The following KPNB1 variants were observed in gnomAD, a reference collection of about 807,000 sequenced individuals.
KPNB1 encodes karyopherin subunit beta 1, also known as importin subunit beta-1.
In KPNB1, 7 loss-of-function variants were observed where a neutral mutation model predicts 113.0. That is an observed-to-expected ratio of 0.06 (90% CI 0.04 to 0.12). The LOEUF is 0.12. KPNB1 is among the 10% of genes least tolerant of loss of function. The probability of loss-of-function intolerance (pLI) is 1.00; values close to 1 mark genes in which losing one functional copy is unlikely to be tolerated. For missense variants in KPNB1, 400 were observed against 1,054.8 expected, an observed-to-expected ratio of 0.38 and a Z score of 8.60; for synonymous variants, 363 against 378.6, an observed-to-expected ratio of 0.96 and a Z score of 0.48.
Position 47,663,111 on chromosome 17 carries a change from A to G in KPNB1, c.719A>G (p.Asn240Ser), listed in dbSNP as rs1290756444. Residue 240 changes from asparagine to serine, a missense_variant, in exon 7 of 22, where the codon AAT becomes AGT. Asn to Ser is a conservative substitution (Grantham distance 46). Coordinates refer to ENST00000290158, the MANE Select transcript of KPNB1 (RefSeq NM_002265.6). ...AAGGTACGAGTGGCTGCTTTACAGA[A>G]TCTGGTGAAGATAATGTCCTTATAT... ...DTRVRVAALQ[N>S]LVKIMSLYYQ... 1 of 1,597,426 alleles carries G rather than the reference A, an allele frequency of 6.3e-7. No individual in the cohort carries two copies. The highest frequency in any genetic ancestry group is 1.3e-5 in the African/African-American group (1 of 74,548).
chr17:47,679,634 A>T (rs2030711686), intron 19 of KPNB1, among the ~76,000 whole-genome samples: 1 of 152,112 alleles, frequency 6.6e-6, no homozygotes, highest in Admixed American at 6.5e-5. Context: ...ATAGTTGGAA[A>T]TTTTGAAAAA....
chr17:47,672,879 T>A (rs2030491040), intron 12 of KPNB1, 139 bp from the exon 13 acceptor site: 1 of 658,738 alleles, frequency 1.5e-6, no homozygotes, highest in African/African-American at 1.9e-5. Context: ...GATTTCATTC[T>A]TGGATATTGT....
At chr17:47,669,262 C>A (rs913384250) in intron 10 of KPNB1, among the ~76,000 whole-genome samples, 1 of 151,992 alleles carries the variant, frequency 6.6e-6, no homozygotes, top group African/African-American at 2.4e-5. Context: ...GCCACCATGC[C>A]CAGCTAATTT....
At chr17:47,670,573 T>A in intron 11 of KPNB1, 129 bp from the exon 12 acceptor site, 1 of 834,736 alleles carries the variant, frequency 1.2e-6, no homozygotes, top group Non-Finnish European at 1.9e-6. Flanking sequence ...TAAAATGCTG[T>A]CTTGAGATGA....
intron 3 of KPNB1, among the ~76,000 whole-genome samples, chr17:47,653,141 A>C (rs1915624910): frequency 6.6e-6 from 1 of 152,144 alleles, no homozygotes; most frequent in South Asian, 2.1e-4. Context: ...AATTGGTAAA[A>C]TCTGTTTGGC....
chr17:47,672,076 A>G (rs755535441), intron 12 of KPNB1, among the ~76,000 whole-genome samples: 12 of 151,316 alleles, frequency 7.9e-5, no homozygotes, highest in Non-Finnish European at 1.2e-4. Flanking sequence ...CAATTGTGCA[A>G]TCTTGGCTCA....
Position 47,683,909 on chromosome 17 carries a change from T to C in KPNB1, c.*1505T>C, listed in dbSNP as rs1484343564. 2 of 152,388 alleles carry C rather than the reference T, an allele frequency of 1.3e-5. No individual in the cohort carries two copies. Among genetic ancestry groups the C allele is most frequent in the East Asian group, 1.9e-4 (1 of 5,184 alleles). 9.4% of individuals were successfully genotyped at this position (152,388 alleles called of 1,614,324 possible). On this transcript the variant is annotated 3_prime_UTR_variant, in exon 22 of 22. Coordinates refer to ENST00000290158, the MANE Select transcript of KPNB1 (RefSeq NM_002265.6). ...TGTGATGTGGTATGATTACCATAAA[T>C]CAGACTTAATTATTTTCCCTTTTAC...
At chr17:47,668,953 G>A (rs1195178668) in intron 10 of KPNB1, among the ~76,000 whole-genome samples, 15 of 149,372 alleles carry the variant, frequency 1.0e-4, no homozygotes, top group Admixed American at 4.7e-4. Flanking sequence ...GGCAACGAGC[G>A]AAACTCTATC....
chr17:47,680,082 G>A lies in KPNB1; in HGVS notation c.2416G>A (p.Gly806Arg), dbSNP rs1271069436. 3 of 1,613,976 alleles carry A rather than the reference G, an allele frequency of 1.9e-6. No homozygotes were observed. The highest frequency in any genetic ancestry group is 1.7e-5 in the Admixed American group (1 of 60,018). ...FILSFIDHIA[G>R]DEDHTDGVVA... Reference sequence around the variant, plus strand: ...TCTGTCTTTCATTGACCACATTGCTGGAGATGAGGATCACACAGATGGAGT... The same window carrying A: ...TCTGTCTTTCATTGACCACATTGCTAGAGATGAGGATCACACAGATGGAGT... Residue 806 changes from glycine to arginine, a missense_variant, in exon 20 of 22, where the codon GGA (glycine) becomes AGA (arginine). Coordinates refer to ENST00000290158, the MANE Select transcript of KPNB1 (RefSeq NM_002265.6).
At position 47,654,616 on chromosome 17, in the gene KPNB1, T is replaced by C. The variant is rs79491580; in HGVS notation, c.282+1740T>C. Among the ~76,000 whole-genome samples, 1,359 of 152,210 alleles carry C rather than the reference T, an allele frequency of 8.9e-3. 23 individuals carry two copies. The highest frequency in any genetic ancestry group is 0.046 in the South Asian group (223 of 4,814). The stretch of plus-strand genomic sequence containing the variant: ...GGAGCTAGTTTCTCTTTTCTGATAA[T>C]TGAATATTACTATTAAGGTTACCTC... On this transcript the variant is annotated intron_variant, in intron 3 of 21. Transcript: ENST00000290158.
At chr17:47,658,685 A>G in intron 5 of KPNB1, 25 bp downstream of exon 5, 1 of 1,592,244 alleles carries the variant, frequency 6.3e-7, no homozygotes, top group African/African-American at 1.3e-5. Context: ...AATAAGGTAT[A>G]GATTCAGACA....
intron 9 of KPNB1, among the ~76,000 whole-genome samples, chr17:47,665,534 G>C (rs111420808): frequency 2.0e-5 from 3 of 152,206 alleles, no homozygotes; most frequent in African/African-American, 7.2e-5. Flanking sequence ...GGATACTTTC[G>C]TGAGTTCACA....
Position 47,650,215 on chromosome 17 carries a change from G to A in KPNB1, c.-30G>A. 1 of 1,571,476 alleles carries A rather than the reference G, an allele frequency of 6.4e-7. No homozygotes were observed. Among genetic ancestry groups the A allele is most frequent in the East Asian group, 2.5e-5 (1 of 40,622 alleles). ...CCCGAAAGGCCGGGCCGTCGTCTTA[G>A]GAGGAGTCGCCGCCGCCGCCACCTC... On this transcript the variant is annotated 5_prime_UTR_variant, in exon 1 of 22. Transcript: ENST00000290158.
intron 11 of KPNB1, chr17:47,670,195 C>T: frequency 6.6e-6 from 2 of 304,440 alleles, no homozygotes; most frequent in Non-Finnish European, 1.3e-5. Context: ...AGTATCATTG[C>T]TGAGTAGAGG....
chr17:47,655,911 C>G lies in KPNB1; in HGVS notation c.283-949C>G, dbSNP rs145714272. 2.7e-4 allele frequency among the ~76,000 whole-genome samples: 41 copies of G among 152,284 alleles called. No homozygotes were observed. In the East Asian group the frequency reaches 7.5e-3, roughly 28 times the overall value. ...AGTGTTGATTATGCTGATGTTGCTA[C>G]TGAGGCTGGTTTTTTCTGACAGCCT... On this transcript the variant is annotated intron_variant, in intron 3 of 21. Coordinates refer to ENST00000290158, the MANE Select transcript of KPNB1 (RefSeq NM_002265.6).
intron 3 of KPNB1, 49 bp downstream of exon 3, chr17:47,652,925 C>CAAAA: frequency 7.1e-7 from 1 of 1,411,244 alleles, no homozygotes; most frequent in East Asian, 2.4e-5. Flanking sequence ...AACAAGAAAT[C>CAAAA]GCTTTCTCAG....
Position 47,678,363 on chromosome 17 carries a change from C to G in KPNB1, c.2303C>G (p.Ala768Gly). 6.2e-7 allele frequency: 1 copy of G among 1,614,088 alleles called. No homozygotes were observed. The highest frequency in any genetic ancestry group is 8.5e-7 in the Non-Finnish European group (1 of 1,179,984). Residue 768 changes from alanine (A) to glycine (G), a missense_variant, in exon 19 of 22, where the codon GCC (alanine) becomes GGC (glycine). Around this residue, in one of 2 missense-constraint regions of KPNB1, gnomAD observed 115 missense variants for 427.9 expected, o/e 0.27. Transcript: ENST00000290158. Reference protein sequence around the residue: ...LNELRESCLEAYTGIVQGLKG... With the variant: ...LNELRESCLEGYTGIVQGLKG... ...GAGCTAAGGGAAAGCTGCTTGGAAGCCTATACTGGAATCGTCCAGGGATTA... is the reference window on the plus strand; with the variant it reads ...GAGCTAAGGGAAAGCTGCTTGGAAGGCTATACTGGAATCGTCCAGGGATTA...
chr17:47,676,897 A>G, intron 16 of KPNB1, 123 bp from the exon 17 acceptor site: 1 of 670,270 alleles, frequency 1.5e-6, no homozygotes, highest in Non-Finnish European at 2.6e-6. Flanking sequence ...TGAAAAATTA[A>G]TCTCGGCAGA....
rs1489414906 is a variant in KPNB1 at position 47,680,522 on chromosome 17, C to T, written c.2483C>T (p.Ala828Val). ...AAGLIGDLCT[A>V]FGKDVLKLVE... is the part of the protein sequence containing the mutation. Reference sequence around the variant, plus strand: ...GTTTTGCACAGGGACTTATGTACAGCATTTGGGAAGGATGTACTGAAATTA... The same window carrying T: ...GTTTTGCACAGGGACTTATGTACAGTATTTGGGAAGGATGTACTGAAATTA... Residue 828 changes from alanine to valine, a missense_variant, in exon 21 of 22, where the codon GCA (alanine) becomes GTA (valine). Coordinates refer to ENST00000290158, the MANE Select transcript of KPNB1 (RefSeq NM_002265.6). 3.1e-6 allele frequency: 5 copies of T among 1,614,032 alleles called. No homozygotes were observed. The highest frequency in any genetic ancestry group is 4.2e-6 in the Non-Finnish European group (5 of 1,180,026).
Sources: gnomAD v4.1 joint callset for allele counts (sites outside exome capture counted in the v4.1 genomes callset) on GRCh38, gnomAD v4.1.1 for gene constraint, gnomAD v4.1.1 regional missense constraint, MANE v1.5 for transcripts, NCBI Gene and HGNC (gene_info 2026-07-23, HGNC 2026-07-21) for gene names.